The following TXNRD1 variants were observed in gnomAD, a reference collection of about 807,000 sequenced individuals.
The protein encoded by TXNRD1 is thioredoxin reductase 1, also known as thioredoxin reductase 1, cytoplasmic.
Under a neutral mutation model 80.3 loss-of-function variants are expected in TXNRD1, and 57 were observed. The ratio of observed to expected loss-of-function variants is 0.71; its 90% CI spans 0.57 to 0.89. The LOEUF is 0.89. Among genes scored for constraint, TXNRD1 ranks in the 40% least tolerant of loss-of-function variants. The probability of loss-of-function intolerance (pLI) is 0.00; values close to 1 mark genes in which losing one functional copy is unlikely to be tolerated. For missense variants in TXNRD1, 730 were observed against 803.0 expected, an observed-to-expected ratio of 0.91 and a Z score of 1.10; for synonymous variants, 291 against 285.2, an observed-to-expected ratio of 1.02 and a Z score of -0.20.
chr12:104,251,506 C>G (rs745972208), intron 1 of TXNRD1, 21 bp from the exon 2 acceptor site: 1 of 1,610,382 alleles, frequency 6.2e-7, no homozygotes. Flanking sequence ...TAATTACCAT[C>G]CTTACTTCCA....
At chr12:104,227,708 T>C (rs2032505099) in intron 1 of TXNRD1, among the ~76,000 whole-genome samples, 1 of 152,222 alleles carries the variant, frequency 6.6e-6, no homozygotes, top group Non-Finnish European at 1.5e-5. Flanking sequence ...TGTATTCCAA[T>C]CTCTGGAGCC....
intron 3 of TXNRD1, among the ~76,000 whole-genome samples, chr12:104,268,355 C>CA (rs137904840): frequency 0.38 from 54,359 of 144,052 alleles, 10,727 homozygotes; most frequent in East Asian, 0.82. Context: ...ACTAAAAATA[C>CA]AAAAAAAAAA....
At chr12:104,232,356 A>T (rs1222545053) in intron 1 of TXNRD1, among the ~76,000 whole-genome samples, 1 of 152,092 alleles carries the variant, frequency 6.6e-6, no homozygotes, top group Non-Finnish European at 1.5e-5. Context: ...AGGTGAAGAG[A>T]TCAAGACTAT....
chr12:104,276,117 G>A (rs1454779679), intron 3 of TXNRD1, among the ~76,000 whole-genome samples: 1 of 152,214 alleles, frequency 6.6e-6, no homozygotes, highest in Non-Finnish European at 1.5e-5. Flanking sequence ...ATTTACAAAA[G>A]AGGAGACCTG....
intron 1 of TXNRD1, among the ~76,000 whole-genome samples, chr12:104,220,531 C>T (rs1271356377): frequency 6.6e-6 from 1 of 152,090 alleles, no homozygotes; most frequent in East Asian, 1.9e-4. Flanking sequence ...CGAGACCAGT[C>T]TGGCCAACAT....
At chr12:104,313,624 G>A (rs764619522) in intron 6 of TXNRD1, among the ~76,000 whole-genome samples, 5 of 152,180 alleles carry the variant, frequency 3.3e-5, no homozygotes, top group Non-Finnish European at 5.9e-5. Context: ...CTTTTCATAT[G>A]TGGATTTGTT....
At chr12:104,321,399 C>A (rs2035526875) in intron 10 of TXNRD1, 83 bp downstream of exon 10, 2 of 1,089,334 alleles carry the variant, frequency 1.8e-6, no homozygotes, top group East Asian at 2.4e-5. Context: ...GTAGAAGCAT[C>A]CTTTCAGCAT....
At chr12:104,259,634 G>A (rs1438978233) in intron 3 of TXNRD1, among the ~76,000 whole-genome samples, 2 of 151,712 alleles carry the variant, frequency 1.3e-5, no homozygotes, top group East Asian at 3.9e-4. Context: ...TGAGATTACA[G>A]GCATGCACCA....
At chr12:104,319,852 C>G (rs185734207) in intron 9 of TXNRD1, among the ~76,000 whole-genome samples, 3 of 152,038 alleles carry the variant, frequency 2.0e-5, no homozygotes, top group Non-Finnish European at 4.4e-5. Flanking sequence ...CATTTGTATT[C>G]GAAATTTATT....
intron 1 of TXNRD1, among the ~76,000 whole-genome samples, chr12:104,230,754 C>T (rs2032602647): frequency 6.6e-6 from 1 of 152,004 alleles, no homozygotes; most frequent in South Asian, 2.1e-4. Flanking sequence ...AAGAGGAAAC[C>T]CTGTGTGGGG....
intron 1 of TXNRD1, among the ~76,000 whole-genome samples, chr12:104,236,019 G>C (rs1481943979): frequency 6.6e-6 from 1 of 152,192 alleles, no homozygotes; most frequent in Non-Finnish European, 1.5e-5. Flanking sequence ...CCTTAAGAGC[G>C]GTTTAGGGAG....
At chr12:104,287,623 A>C (rs1394786323) in intron 3 of TXNRD1, among the ~76,000 whole-genome samples, 2 of 152,316 alleles carry the variant, frequency 1.3e-5, no homozygotes, top group South Asian at 2.1e-4. Context: ...TGTTTTTACA[A>C]GTAGGGAAAG....
intron 3 of TXNRD1, among the ~76,000 whole-genome samples, chr12:104,267,531 CCTTT>C (rs2033530835): frequency 6.6e-6 from 1 of 151,532 alleles, no homozygotes; most frequent in Non-Finnish European, 1.5e-5. Flanking sequence ...CCTTTCCTTT[CCTTT>C]CTTTCTTTTT....
chr12:104,241,937 AT>A (rs747774973), intron 1 of TXNRD1, among the ~76,000 whole-genome samples: 10,510 of 95,070 alleles, frequency 0.11, 176 homozygotes, highest in Middle Eastern at 0.24. Flanking sequence ...TATACTAATG[AT>A]TTTTTTTTTT....
At chr12:104,269,966 C>T (rs778835746) in intron 3 of TXNRD1, among the ~76,000 whole-genome samples, 1 of 152,156 alleles carries the variant, frequency 6.6e-6, no homozygotes, top group Non-Finnish European at 1.5e-5. Flanking sequence ...CTACGTTGGC[C>T]TCCCAAAGTG....
chr12:104,255,790 TCAA>T (rs567452057), intron 2 of TXNRD1, among the ~76,000 whole-genome samples: 3 of 152,128 alleles, frequency 2.0e-5, no homozygotes, highest in East Asian at 1.9e-4. Context: ...TGAAACTGTC[TCAA>T]CAACAACAAC....
chr12:104,229,027 T>C (rs1418415440), intron 1 of TXNRD1, among the ~76,000 whole-genome samples: 5 of 151,908 alleles, frequency 3.3e-5, no homozygotes, highest in Admixed American at 1.3e-4. Context: ...CCTAGAACAT[T>C]TTCATTACTC....
At chr12:104,288,869 T>C in intron 3 of TXNRD1, 62 bp from the exon 4 acceptor site, 2 of 1,613,048 alleles carry the variant, frequency 1.2e-6, no homozygotes, top group African/African-American at 1.3e-5. Context: ...CCCGGCGCAG[T>C]TCCCGCCTGT....
intron 9 of TXNRD1, among the ~76,000 whole-genome samples, chr12:104,320,485 G>C (rs1232906513): frequency 6.6e-6 from 1 of 151,974 alleles, no homozygotes; most frequent in African/African-American, 2.4e-5. Flanking sequence ...GTGCATTTTG[G>C]GGATACATAA....
Sources: gnomAD v4.1 joint callset for allele counts (sites outside exome capture counted in the v4.1 genomes callset) on GRCh38, gnomAD v4.1.1 for gene constraint, MANE v1.5 for transcripts, NCBI Gene and HGNC (gene_info 2026-07-23, HGNC 2026-07-21) for gene names.